Variants in REV3L observed in about 807,000 individuals in gnomAD.
The protein encoded by REV3L is DNA polymerase zeta catalytic subunit.
Under a neutral mutation model 299.4 loss-of-function variants are expected in REV3L, and 69 were observed. The observed-to-expected ratio is 0.23, with a 90% CI of 0.19 to 0.28. REV3L has a LOEUF of 0.28. REV3L is among the 10% of genes least tolerant of loss of function. The pLI, the probability that REV3L is intolerant of heterozygous loss-of-function variation, is 1.00. For missense variants in REV3L, 3,128 were observed against 3,693.8 expected (o/e 0.85, Z 3.97); for synonymous variants, 1,238 against 1,271.4 (o/e 0.97, Z 0.56).
At position 111,387,777 on chromosome 6, in the gene REV3L, C is replaced by G. The variant is rs1781493634; in HGVS notation, c.1084G>C (p.Glu362Gln). Reference protein sequence around the residue: ...ANMVEVHKDKESSKGHTRHKV... With the variant: ...ANMVEVHKDKQSSKGHTRHKV... ...AAGAAAATCTTACCTTTGCTTGACTCTTTGTCTTTGTGAACTTCTACCATA... is the reference window on the plus strand; with the variant it reads ...AAGAAAATCTTACCTTTGCTTGACTGTTTGTCTTTGTGAACTTCTACCATA... Residue 362 changes from glutamate (E) to glutamine (Q), a missense_variant, in exon 9 of 32, where the codon GAG (glutamate) becomes CAG (glutamine). Coordinates refer to ENST00000368802, the MANE Select transcript of REV3L (RefSeq NM_001372078.1). The G allele has an allele frequency of 1.9e-6, 3 of 1,613,830 alleles. No homozygotes were observed. In the East Asian group the frequency reaches 6.7e-5, roughly 36 times the overall value.
intron 1 of REV3L, among the ~76,000 whole-genome samples, chr6:111,434,713 C>T (rs923800414): frequency 2.0e-5 from 3 of 147,798 alleles, no homozygotes; most frequent in African/African-American, 7.5e-5. Context: ...CAACAGCAAA[C>T]AATCTGAAAA....
chr6:111,474,559 C>G (rs1792676045), intron 1 of REV3L, among the ~76,000 whole-genome samples: 1 of 152,216 alleles, frequency 6.6e-6, no homozygotes. Flanking sequence ...CTGCTTTTAA[C>G]TGTTGGTTGT....
At chr6:111,368,118 G>T in intron 13 of REV3L, 90 bp from the exon 14 acceptor site, 1 of 1,170,690 alleles carries the variant, frequency 8.5e-7, no homozygotes, top group Admixed American at 2.8e-5. Flanking sequence ...GTCCCTTTTG[G>T]AGTCTCAAAA....
At chr6:111,438,062 G>A (rs1048269760) in intron 1 of REV3L, among the ~76,000 whole-genome samples, 2 of 150,780 alleles carry the variant, frequency 1.3e-5, no homozygotes, top group Non-Finnish European at 3.0e-5. Context: ...GTCTCGCTAA[G>A]TGCTTAGACT....
intron 24 of REV3L, among the ~76,000 whole-genome samples, chr6:111,331,468 A>C (rs183079984): frequency 3.2e-4 from 49 of 152,342 alleles, no homozygotes; most frequent in African/African-American, 1.2e-3. Context: ...TTAAAGATTT[A>C]AAACCTAAAT....
chr6:111,380,992 CAAGA>C (rs1780776264), intron 10 of REV3L, among the ~76,000 whole-genome samples: 1 of 152,188 alleles, frequency 6.6e-6, no homozygotes, highest in Admixed American at 6.5e-5. Flanking sequence ...TGATACTCAC[CAAGA>C]AAGAACCACT....
intron 1 of REV3L, among the ~76,000 whole-genome samples, chr6:111,422,031 T>C (rs1391688576): frequency 6.6e-6 from 1 of 152,184 alleles, no homozygotes; most frequent in Non-Finnish European, 1.5e-5. Flanking sequence ...AAAAGAAAAG[T>C]TGTAAGGATG....
intron 16 of REV3L, among the ~76,000 whole-genome samples, chr6:111,360,424 G>C (rs910816096): frequency 4.7e-5 from 7 of 147,672 alleles, no homozygotes; most frequent in Non-Finnish European, 9.0e-5. Flanking sequence ...GAGTATTTTT[G>C]GTATATATAC....
chr6:111,303,687 TTAACA>T (rs1771905773), intron 31 of REV3L, among the ~76,000 whole-genome samples: 3 of 81,380 alleles, frequency 3.7e-5, no homozygotes, highest in South Asian at 6.0e-4. Context: ...TTTTTTTTTT[TTAACA>T]GACTATGACT....
chr6:111,314,181 A>G (rs889285097), intron 27 of REV3L, among the ~76,000 whole-genome samples: 8 of 152,322 alleles, frequency 5.3e-5, no homozygotes, highest in African/African-American at 1.9e-4. Flanking sequence ...AGAAAGAAAT[A>G]CATATTTGAT....
At chr6:111,343,826 G>T in intron 21 of REV3L, 99 bp downstream of exon 21, 1 of 836,360 alleles carries the variant, frequency 1.2e-6, no homozygotes, top group Non-Finnish European at 1.8e-6. Context: ...CACCGCAACT[G>T]GCCTGAACAA....
At chr6:111,468,246 C>T (rs1489308326) in intron 1 of REV3L, among the ~76,000 whole-genome samples, 1 of 152,040 alleles carries the variant, frequency 6.6e-6, no homozygotes, top group African/African-American at 2.4e-5. Context: ...ATACTTAAAC[C>T]TAACTTCATC....
chr6:111,362,330 A>C (rs1272079117), intron 16 of REV3L, among the ~76,000 whole-genome samples: 5 of 152,186 alleles, frequency 3.3e-5, no homozygotes, highest in African/African-American at 4.8e-5. Flanking sequence ...GACAATATTA[A>C]AATTTTTCCC....
intron 1 of REV3L, among the ~76,000 whole-genome samples, chr6:111,457,634 AT>A (rs1222694087): frequency 1.3e-5 from 2 of 151,940 alleles, no homozygotes; most frequent in African/African-American, 4.8e-5. Context: ...TCCCTGAAAA[AT>A]CTCATCATGT....
intron 26 of REV3L, 77 bp from the exon 27 acceptor site, chr6:111,315,458 C>G: frequency 3.7e-6 from 4 of 1,088,846 alleles, no homozygotes; most frequent in Non-Finnish European, 5.4e-6. Context: ...ACTTTCCTGG[C>G]TATGACTCTT....
At chr6:111,414,016 C>T (rs1372338714) in intron 2 of REV3L, among the ~76,000 whole-genome samples, 1 of 152,072 alleles carries the variant, frequency 6.6e-6, no homozygotes, top group Non-Finnish European at 1.5e-5. Flanking sequence ...ATTCATTTAT[C>T]CAACCAAACA....
intron 1 of REV3L, among the ~76,000 whole-genome samples, chr6:111,418,620 A>G (rs1055850959): frequency 1.3e-5 from 2 of 152,240 alleles, no homozygotes; most frequent in Non-Finnish European, 2.9e-5. Context: ...CCAAAGTCAC[A>G]TAACTATTAA....
chr6:111,359,520 G>GAAAAA (rs371680267), intron 16 of REV3L, among the ~76,000 whole-genome samples: 27 of 102,588 alleles, frequency 2.6e-4, no homozygotes, highest in Admixed American at 7.2e-4. Flanking sequence ...AGTTTTTCCT[G>GAAAAA]AAAAAAAAAA....
At chr6:111,353,495 G>C (rs1225137744) in intron 18 of REV3L, among the ~76,000 whole-genome samples, 11 of 152,112 alleles carry the variant, frequency 7.2e-5, no homozygotes, top group Non-Finnish European at 1.6e-4. Context: ...ACATTCTGTA[G>C]TATAAATTTT....
Sources: allele counts gnomAD v4.1 joint callset (sites outside exome capture counted in the v4.1 genomes callset), GRCh38; gene constraint gnomAD v4.1.1; transcripts MANE v1.5; gene names NCBI Gene and HGNC (gene_info 2026-07-23, HGNC 2026-07-21).